Variants in PCDH15 observed in about 807,000 individuals in gnomAD.
PCDH15 encodes the protein protocadherin related 15, also known as protocadherin-15.
In PCDH15, 129 loss-of-function variants were observed where a neutral mutation model predicts 178.5. The observed-to-expected ratio is 0.72, with a 90% CI of 0.63 to 0.84. The LOEUF is 0.84. Ranked by LOEUF, PCDH15 falls within the 40% of genes least tolerant of loss-of-function variation. The probability of loss-of-function intolerance (pLI) is 0.00; values close to 1 mark genes in which losing one functional copy is unlikely to be tolerated. For synonymous variants in PCDH15, 800 were observed against 732.0 expected (o/e 1.09, Z -1.50); for missense variants, 2,230 against 2,099.9 (o/e 1.06, Z -1.21).
intron 1 of PCDH15, among the ~76,000 whole-genome samples, chr10:55,310,607 T>C (rs1442164056): frequency 6.6e-6 from 1 of 152,196 alleles, no homozygotes; most frequent in Non-Finnish European, 1.5e-5. Context: ...ATGGATAGAC[T>C]ATTAGCTTAC....
chr10:54,686,408 ATT>A (rs912436541), intron 1 of PCDH15, among the ~76,000 whole-genome samples: 210 of 152,172 alleles, frequency 1.4e-3, no homozygotes, highest in African/African-American at 5.0e-3. Context: ...AGTTATTGAG[ATT>A]TTTTAGCAAA....
intron 2 of PCDH15, among the ~76,000 whole-genome samples, chr10:55,556,498 A>C (rs1335217993): frequency 6.6e-6 from 1 of 152,052 alleles, no homozygotes; most frequent in Non-Finnish European, 1.5e-5. Context: ...CAACTATGAG[A>C]TTGTTTTAAT....
chr10:54,190,282 T>C (rs2048873369), intron 11 of PCDH15, among the ~76,000 whole-genome samples: 1 of 152,214 alleles, frequency 6.6e-6, no homozygotes, highest in African/African-American at 2.4e-5. Context: ...CTTCCACTTT[T>C]ATGCTTGAGG....
chr10:54,243,455 A>G (rs1426513173), intron 8 of PCDH15, among the ~76,000 whole-genome samples: 2 of 152,182 alleles, frequency 1.3e-5, no homozygotes, highest in African/African-American at 4.8e-5. Flanking sequence ...TGCAGTGAGC[A>G]GAGTTTGTGC....
intron 2 of PCDH15, among the ~76,000 whole-genome samples, chr10:55,329,913 T>C (rs1036021124): frequency 2.0e-5 from 3 of 151,732 alleles, no homozygotes; most frequent in East Asian, 1.9e-4. Flanking sequence ...ATTAGGGTAA[T>C]AGAGACTCCA....
chr10:55,051,345 T>C (rs1374645875), intron 2 of PCDH15, among the ~76,000 whole-genome samples: 1 of 152,176 alleles, frequency 6.6e-6, no homozygotes, highest in Non-Finnish European at 1.5e-5. Context: ...ATTAGATTCA[T>C]GAAACTTTTG....
intron 2 of PCDH15, among the ~76,000 whole-genome samples, chr10:55,341,770 T>TGC (rs1381490217): frequency 2.1e-3 from 28 of 13,040 alleles, no homozygotes; most frequent in African/African-American, 7.2e-3. Flanking sequence ...TGCATATATA[T>TGC]ATATATATAT....
At chr10:54,477,707 C>A (rs11004330) in intron 3 of PCDH15, among the ~76,000 whole-genome samples, 1 of 151,996 alleles carries the variant, frequency 6.6e-6, no homozygotes, top group Non-Finnish European at 1.5e-5. Context: ...ACAATTCTCA[C>A]GCCTGAGCCT....
At chr10:55,114,811 T>C (rs1837591246) in intron 2 of PCDH15, among the ~76,000 whole-genome samples, 1 of 152,328 alleles carries the variant, frequency 6.6e-6, no homozygotes, top group East Asian at 1.9e-4. Flanking sequence ...TCCAAGCTAT[T>C]TTAAAAGGAA....
intron 1 of PCDH15, among the ~76,000 whole-genome samples, chr10:55,212,873 C>T (rs947722113): frequency 6.6e-6 from 1 of 151,936 alleles, no homozygotes. Context: ...AATTTTTTTC[C>T]TAAAATAAAT....
chr10:55,450,955 C>CTATATATATATATATATATATATATA (rs56986885), intron 2 of PCDH15, among the ~76,000 whole-genome samples: 19 of 122,320 alleles, frequency 1.6e-4, no homozygotes, highest in African/African-American at 5.8e-4. Context: ...GGGGTAAGAA[C>CTATATATATATATATATATATATATA]TATATATATA....
intron 3 of PCDH15, among the ~76,000 whole-genome samples, chr10:54,421,868 C>CAA (rs1955488029): frequency 1.3e-5 from 1 of 74,722 alleles, no homozygotes; most frequent in Admixed American, 1.3e-4. Flanking sequence ...TATATACACA[C>CAA]ACTATATATA....
chr10:53,977,840 G>C (rs1487985535), intron 21 of PCDH15, among the ~76,000 whole-genome samples: 1 of 152,108 alleles, frequency 6.6e-6, no homozygotes, highest in Non-Finnish European at 1.5e-5. Flanking sequence ...AAAATGAAGG[G>C]GCTACAGGCC....
chr10:54,664,140 C>T (rs778134799), intron 2 of PCDH15, 32 bp downstream of exon 2: 20 of 1,501,186 alleles, frequency 1.3e-5, no homozygotes, highest in Middle Eastern at 3.4e-4. Context: ...AATCCTGGCT[C>T]GCTCTAAAGG....
intron 2 of PCDH15, among the ~76,000 whole-genome samples, chr10:55,387,583 T>C (rs1461277121): frequency 6.6e-6 from 1 of 152,148 alleles, no homozygotes; most frequent in Non-Finnish European, 1.5e-5. Flanking sequence ...GACAGCTGTA[T>C]ATATGTATAA....
chr10:55,205,275 C>G (rs1840366124), intron 1 of PCDH15, among the ~76,000 whole-genome samples: 1 of 151,718 alleles, frequency 6.6e-6, no homozygotes, highest in Non-Finnish European at 1.5e-5. Flanking sequence ...TAATATAAAC[C>G]TAAAGTATTT....
At chr10:53,988,476 CTA>C (rs1374857738) in intron 21 of PCDH15, among the ~76,000 whole-genome samples, 2 of 152,106 alleles carry the variant, frequency 1.3e-5, no homozygotes, top group African/African-American at 2.4e-5. Flanking sequence ...AGTCTCTAGG[CTA>C]TGTTAGGTCT....
intron 3 of PCDH15, among the ~76,000 whole-genome samples, chr10:54,460,756 G>A (rs1309712238): frequency 6.6e-6 from 1 of 152,066 alleles, no homozygotes; most frequent in Non-Finnish European, 1.5e-5. Flanking sequence ...AAGGAAAATG[G>A]AGAATAATAT....
chr10:54,748,096 G>A (rs1945716213), intron 1 of PCDH15, among the ~76,000 whole-genome samples: 3 of 151,960 alleles, frequency 2.0e-5, no homozygotes, highest in Admixed American at 2.0e-4. Context: ...GTGAGCCACC[G>A]CGCCCGACCA....
Sources: allele counts gnomAD v4.1 joint callset (sites outside exome capture counted in the v4.1 genomes callset), GRCh38; gene constraint gnomAD v4.1.1; transcripts MANE v1.5; gene names NCBI Gene and HGNC (gene_info 2026-07-23, HGNC 2026-07-21).